The following PDSS2 variants were observed in gnomAD, a reference collection of about 807,000 sequenced individuals.
PDSS2 encodes decaprenyl diphosphate synthase subunit 2.
Under a neutral mutation model 44.5 loss-of-function variants are expected in PDSS2, and 31 were observed. The ratio of observed to expected loss-of-function variants is 0.70; its 90% confidence interval spans 0.52 to 0.94. The LOEUF (loss-of-function observed/expected upper bound fraction) is 0.94. Among genes scored for constraint, PDSS2 ranks in the 40% least tolerant of loss-of-function variants. The probability of loss-of-function intolerance (pLI) is 0.00; values close to 1 mark genes in which losing one functional copy is unlikely to be tolerated. For missense variants in PDSS2, 452 were observed against 482.2 expected (o/e 0.94, Z 0.59); for synonymous variants, 157 against 180.3 (o/e 0.87, Z 1.03).
At chr6:107,407,221 T>C (rs1780349262) in intron 1 of PDSS2, among the ~76,000 whole-genome samples, 3 of 152,232 alleles carry the variant, frequency 2.0e-5, no homozygotes, top group South Asian at 2.1e-4. Flanking sequence ...TGTATGATTC[T>C]ACTTATATGT....
chr6:107,176,941 G>C (rs1251720871), intron 7 of PDSS2, among the ~76,000 whole-genome samples: 1 of 152,012 alleles, frequency 6.6e-6, no homozygotes, highest in Non-Finnish European at 1.5e-5. Context: ...GCTATGTCAA[G>C]GAGTGAAGGT....
Position 107,413,321 on chromosome 6 carries a change from T to C in PDSS2, c.296+45669A>G, listed in dbSNP as rs1213780955. On this transcript the variant is annotated intron_variant, in intron 1 of 7. Coordinates refer to ENST00000369037, the MANE Select transcript of PDSS2 (RefSeq NM_020381.4). The stretch of plus-strand genomic sequence containing the variant: ...CTTTTGGGAGACCAAGGTGAGAGGA[T>C]TGTTGAGGTCAGGAGTTCAGTACCA... 2.0e-5 allele frequency among the ~76,000 whole-genome samples: 3 copies of C among 152,150 alleles called. No homozygotes were observed. In the East Asian group the frequency reaches 5.8e-4, roughly 29 times the overall value.
intron 7 of PDSS2, among the ~76,000 whole-genome samples, chr6:107,161,122 A>G (rs113236946): frequency 0.031 from 4,682 of 148,838 alleles, 231 homozygotes; most frequent in African/African-American, 0.11. Context: ...TGATCCACCC[A>G]CCTCGGCCTC....
chr6:107,393,646 A>G (rs1279372267), intron 1 of PDSS2, among the ~76,000 whole-genome samples: 1 of 152,140 alleles, frequency 6.6e-6, no homozygotes, highest in Non-Finnish European at 1.5e-5. Flanking sequence ...TTCAGTTGTC[A>G]GTTTTTGCTC....
intron 1 of PDSS2, among the ~76,000 whole-genome samples, chr6:107,389,942 A>C (rs1026805675): frequency 6.6e-6 from 1 of 152,162 alleles, no homozygotes; most frequent in African/African-American, 2.4e-5. Context: ...AGTGTTCAAC[A>C]AAAGGATGGG....
chr6:107,211,524 A>G (rs144363526), intron 5 of PDSS2, among the ~76,000 whole-genome samples: 6,827 of 151,812 alleles, frequency 0.045, 506 homozygotes, highest in African/African-American at 0.16. Context: ...GAGGTCAGGA[A>G]TTCGAGACCA....
chr6:107,227,064 CCGCCTCCTGGGTT>C (rs1222640941), intron 4 of PDSS2, among the ~76,000 whole-genome samples: 1 of 151,594 alleles, frequency 6.6e-6, no homozygotes, highest in Non-Finnish European at 1.5e-5. Flanking sequence ...ATTGCAATCT[CCGCCTCCTGGGTT>C]CAAGCGAATC....
At chr6:107,333,918 A>G (rs1017002518) in intron 2 of PDSS2, among the ~76,000 whole-genome samples, 1 of 152,196 alleles carries the variant, frequency 6.6e-6, no homozygotes, top group Admixed American at 6.5e-5. Context: ...ACACAACAAT[A>G]CATAATAAGG....
At chr6:107,368,499 C>T (rs1156691600) in intron 1 of PDSS2, among the ~76,000 whole-genome samples, 1 of 152,044 alleles carries the variant, frequency 6.6e-6, no homozygotes, top group Admixed American at 6.6e-5. Context: ...GTCAGTTCTC[C>T]ACAATTGATA....
intron 2 of PDSS2, among the ~76,000 whole-genome samples, chr6:107,319,467 C>A (rs560816240): frequency 5.9e-5 from 9 of 152,154 alleles, no homozygotes; most frequent in African/African-American, 2.2e-4. Context: ...TAGTAGTATA[C>A]CAGGCACAGA....
intron 2 of PDSS2, among the ~76,000 whole-genome samples, chr6:107,280,062 GCTAA>G (rs746634100): frequency 2.6e-4 from 39 of 152,096 alleles, no homozygotes; most frequent in Non-Finnish European, 4.6e-4. Context: ...TATTTCTCAT[GCTAA>G]CTCTTTTTTT....
At chr6:107,394,689 TA>T (rs937456027) in intron 1 of PDSS2, among the ~76,000 whole-genome samples, 2 of 152,198 alleles carry the variant, frequency 1.3e-5, no homozygotes, top group Admixed American at 1.3e-4. Context: ...ACCTTTTCTG[TA>T]AAATGTACTA....
intron 2 of PDSS2, among the ~76,000 whole-genome samples, chr6:107,298,245 AT>A (rs1776574666): frequency 6.6e-6 from 1 of 152,186 alleles, no homozygotes; most frequent in African/African-American, 2.4e-5. Context: ...ATAGTTGGCC[AT>A]TGGTATTGGT....
At chr6:107,190,596 A>G (rs1772337751) in intron 7 of PDSS2, among the ~76,000 whole-genome samples, 1 of 152,230 alleles carries the variant, frequency 6.6e-6, no homozygotes, top group Non-Finnish European at 1.5e-5. Flanking sequence ...TGAGGAACTG[A>G]GGAAAGCACC....
intron 3 of PDSS2, among the ~76,000 whole-genome samples, chr6:107,256,830 C>T (rs890665799): frequency 1.3e-5 from 2 of 151,800 alleles, no homozygotes; most frequent in African/African-American, 2.4e-5. Flanking sequence ...GAGTTTGAGA[C>T]CAGCCTGGGC....
At position 107,153,497 on chromosome 6, in the gene PDSS2, A is replaced by C. The variant is rs1554244887; in HGVS notation, c.*1122T>G. The stretch of plus-strand genomic sequence containing the variant: ...AAAATTCTGTTTCTGAAACTCGTAA[A>C]AATTAAAGTATGCCTTAAACCAAAG... On this transcript the variant is annotated 3_prime_UTR_variant, in exon 8 of 8. Coordinates refer to ENST00000369037, the MANE Select transcript of PDSS2 (RefSeq NM_020381.4). 6.6e-6 allele frequency: 1 copy of C among 152,622 alleles called. No homozygotes were observed. The highest frequency in any genetic ancestry group is 2.4e-5 in the African/African-American group (1 of 41,456). The allele number at this position is 152,622 out of a possible 1,614,324, so 9.5% of individuals were successfully genotyped here.
At position 107,153,746 on chromosome 6, in the gene PDSS2, A is replaced by G. The variant is rs1770785431; in HGVS notation, c.*873T>C. The G allele has an allele frequency of 6.6e-6, 1 of 152,670 alleles. No individual in the cohort carries two copies. Among genetic ancestry groups the G allele is most frequent in the Non-Finnish European group, 1.5e-5 (1 of 68,058 alleles). The allele number at this position is 152,670 out of a possible 1,614,324, so 9.5% of individuals were successfully genotyped here. A position where few individuals can be genotyped will look rare whatever the true frequency, so the allele number is the denominator to read the frequency against. Reference sequence around the variant, plus strand: ...TCTCCAAAAAGACATTATAAAAACCATAAAGCACAAAGTATATTCATACTG... The same window carrying G: ...TCTCCAAAAAGACATTATAAAAACCGTAAAGCACAAAGTATATTCATACTG... On this transcript the variant is annotated 3_prime_UTR_variant, in exon 8 of 8. Transcript: ENST00000369037.
chr6:107,211,009 A>C, intron 5 of PDSS2, among the ~76,000 whole-genome samples: 1 of 151,922 alleles, frequency 6.6e-6, no homozygotes, highest in Non-Finnish European at 1.5e-5. Flanking sequence ...AAAAAAAAAA[A>C]ATTTCAGATG....
intron 1 of PDSS2, among the ~76,000 whole-genome samples, chr6:107,456,198 A>G (rs1782039025): frequency 6.6e-6 from 1 of 152,040 alleles, no homozygotes; most frequent in South Asian, 2.1e-4. Flanking sequence ...GCGGGCGCCT[A>G]TAATCCCAGG....
Sources: gnomAD v4.1 joint callset for allele counts (sites outside exome capture counted in the v4.1 genomes callset) on GRCh38, gnomAD v4.1.1 for gene constraint, MANE v1.5 for transcripts, NCBI Gene and HGNC (gene_info 2026-07-23, HGNC 2026-07-21) for gene names.